Variants in EPS15 observed in about 807,000 individuals in gnomAD.
EPS15 encodes epidermal growth factor receptor substrate 15.
Under a neutral mutation model 113.8 loss-of-function variants are expected in EPS15, and 72 were observed. The ratio of observed to expected loss-of-function variants is 0.63; its 90% confidence interval spans 0.52 to 0.77. The LOEUF is 0.77. Among genes scored for constraint, EPS15 ranks in the 30% least tolerant of loss-of-function variants. The pLI, the probability that EPS15 is intolerant of heterozygous loss-of-function variation, is 0.00. For synonymous variants in EPS15, 344 were observed against 363.4 expected, an observed-to-expected ratio of 0.95 and a Z score of 0.61; for missense variants, 1,048 against 1,045.8, an observed-to-expected ratio of 1.00 and a Z score of -0.03.
At chr1:51,412,196 C>T (rs767974669) in intron 13 of EPS15, among the ~76,000 whole-genome samples, 35 of 152,056 alleles carry the variant, frequency 2.3e-4, no homozygotes, top group South Asian at 6.2e-4. Flanking sequence ...CATCACACAC[C>T]GGGGCCTGTC....
chr1:51,461,265 C>T, intron 7 of EPS15, 115 bp from the exon 8 acceptor site: 1 of 725,266 alleles, frequency 1.4e-6, no homozygotes, highest in Non-Finnish European at 2.4e-6. Context: ...ATATGGCCTC[C>T]CAGCACTTTG....
Position 51,484,233 on chromosome 1 carries a change from T to C in EPS15, c.34-2919A>G, listed in dbSNP as rs183998281. Among the ~76,000 whole-genome samples the C allele has an allele frequency of 3.1e-3, 477 of 152,204 alleles. 5 individuals are homozygous for C. The highest frequency in any genetic ancestry group is 0.011 in the African/African-American group (467 of 41,518). On this transcript the variant is annotated intron_variant, in intron 1 of 24. Transcript: ENST00000371733. ...TCATTGTCCCAGCATCCCATTCAGCTTAACATATGTCTCCGATTTCCCATT... is the reference window on the plus strand; with the variant it reads ...TCATTGTCCCAGCATCCCATTCAGCCTAACATATGTCTCCGATTTCCCATT...
intron 1 of EPS15, among the ~76,000 whole-genome samples, chr1:51,485,827 C>T (rs1644110697): frequency 6.6e-6 from 1 of 151,986 alleles, no homozygotes; most frequent in African/African-American, 2.4e-5. Flanking sequence ...AGATGGAGTT[C>T]GCTCTTGTCG....
intron 1 of EPS15, among the ~76,000 whole-genome samples, chr1:51,506,262 T>C (rs1160868958): frequency 6.6e-6 from 1 of 152,222 alleles, no homozygotes; most frequent in Non-Finnish European, 1.5e-5. Flanking sequence ...TATTTTTAAA[T>C]GCAGGTATAT....
Position 51,394,403 on chromosome 1 carries a change from T to C in EPS15, c.2097A>G (p.Thr699=), listed in dbSNP as rs367777899. 4 of 1,601,182 alleles carry C rather than the reference T, an allele frequency of 2.5e-6. No homozygotes were observed. The highest frequency in any genetic ancestry group is 3.4e-6 in the Non-Finnish European group (4 of 1,171,586). The change falls in exon 21 of 25, where the codon ACA becomes ACG. Residue 699 remains threonine (T), a synonymous_variant. Transcript: ENST00000371733. The part of the protein sequence containing the change: ...KHNDPFAPGG[T]VVAASDSATD... ...TACCTGAATCGCTTGCTGCAACAAC[T>C]GTTCCACCAGGAGCAAAAGGATCAT...
chr1:51,359,511 A>G (rs1397118702), intron 24 of EPS15, among the ~76,000 whole-genome samples: 1 of 151,530 alleles, frequency 6.6e-6, no homozygotes, highest in Non-Finnish European at 1.5e-5. Flanking sequence ...TGTAATCCCA[A>G]CACTTTGAGA....
At chr1:51,423,820 C>A in intron 12 of EPS15, 1 of 619,652 alleles carries the variant, frequency 1.6e-6, no homozygotes, top group Non-Finnish European at 2.0e-6. Context: ...GGTGAAAATC[C>A]AAAACAGATT....
At chr1:51,470,927 G>T (rs1454916315) in intron 4 of EPS15, among the ~76,000 whole-genome samples, 1 of 152,058 alleles carries the variant, frequency 6.6e-6, no homozygotes, top group Non-Finnish European at 1.5e-5. Context: ...TATGAATTTT[G>T]TTTTCCTATA....
chr1:51,483,827 A>T (rs1456819531), intron 1 of EPS15, among the ~76,000 whole-genome samples: 1 of 150,382 alleles, frequency 6.6e-6, no homozygotes, highest in Non-Finnish European at 1.5e-5. Flanking sequence ...GCAGAGTCAG[A>T]CGGATGTGGT....
At chr1:51,413,285 G>GT (rs1649910496) in intron 13 of EPS15, among the ~76,000 whole-genome samples, 1 of 152,126 alleles carries the variant, frequency 6.6e-6, no homozygotes. Context: ...AAACTCTACT[G>GT]TTTGTTCCTA....
intron 1 of EPS15, among the ~76,000 whole-genome samples, chr1:51,491,029 T>C (rs1644223443): frequency 6.6e-6 from 1 of 152,112 alleles, no homozygotes; most frequent in Non-Finnish European, 1.5e-5. Context: ...TGAAGACCAA[T>C]GTGAAGTAGA....
intron 21 of EPS15, among the ~76,000 whole-genome samples, chr1:51,385,294 T>A (rs1647036302): frequency 6.6e-6 from 1 of 152,092 alleles, no homozygotes; most frequent in Admixed American, 6.6e-5. Context: ...GATATACAAA[T>A]AGCCAATAAG....
At chr1:51,382,785 T>C (rs1020203499) in intron 21 of EPS15, among the ~76,000 whole-genome samples, 2 of 152,190 alleles carry the variant, frequency 1.3e-5, no homozygotes, top group Non-Finnish European at 2.9e-5. Flanking sequence ...ATTACATGAC[T>C]TCACGGGTGA....
chr1:51,513,622 C>A (rs7514142), intron 1 of EPS15, among the ~76,000 whole-genome samples: 4,573 of 152,146 alleles, frequency 0.03, 76 homozygotes, highest in African/African-American at 0.05. Context: ...ATTTTTTTAA[C>A]CATGAATTTA....
Position 51,407,937 on chromosome 1 carries a change from G to A in EPS15, c.1473+198C>T, listed in dbSNP as rs537067498. ...CCACACTCTTAATCACTACTCCAAT[G>A]ATAATCATCAGATAGATATACAAGA... On this transcript the variant is annotated intron_variant, in intron 15 of 24. Transcript: ENST00000371733. 7.2e-5 allele frequency among the ~76,000 whole-genome samples: 11 copies of A among 152,234 alleles called. No homozygotes were observed. In the East Asian group the frequency reaches 2.1e-3, roughly 29 times the overall value.
intron 21 of EPS15, 133 bp from the exon 22 acceptor site, chr1:51,366,162 G>A (rs1646503794): frequency 3.4e-6 from 2 of 583,316 alleles, no homozygotes. Flanking sequence ...CAATCTCCCA[G>A]GCTCAAGTGA....
chr1:51,476,181 T>C (rs1643897288), intron 2 of EPS15, among the ~76,000 whole-genome samples: 1 of 152,194 alleles, frequency 6.6e-6, no homozygotes, highest in Non-Finnish European at 1.5e-5. Context: ...TTTGAGCCAA[T>C]GTGGAACCAT....
chr1:51,364,223 T>C lies in EPS15; in HGVS notation c.2197-195A>G, dbSNP rs530550161. On this transcript the variant is annotated intron_variant, in intron 22 of 24. Transcript: ENST00000371733. ...AAAAGTTATTCTATATGAGGAGTGATTCTAACATCATTACTTATTAAGATT... is the reference window on the plus strand; with the variant it reads ...AAAAGTTATTCTATATGAGGAGTGACTCTAACATCATTACTTATTAAGATT... Among the ~76,000 whole-genome samples, 7 of 152,254 alleles carry C rather than the reference T, an allele frequency of 4.6e-5. No homozygotes were observed. In the South Asian group the frequency reaches 1.2e-3, roughly 27 times the overall value.
In EPS15 at chr1:51,384,298, CTT is replaced by C. The variant is rs67265512; in HGVS notation, c.2119+10081_2119+10082del. On this transcript the variant is annotated intron_variant, in intron 21 of 24. Coordinates refer to ENST00000371733, the MANE Select transcript of EPS15 (RefSeq NM_001981.3). ...GCAGTCTTTTTCTTTTTCTTTCTTTCTTTTTTTTTTTTTTTTTTTTGAGACAG... is the reference window on the plus strand; with the variant it reads ...GCAGTCTTTTTCTTTTTCTTTCTTTCTTTTTTTTTTTTTTTTTTGAGACAG... Among the ~76,000 whole-genome samples the C allele has an allele frequency of 1.2e-3, 122 of 99,520 alleles. 1 individual carries two copies. Among genetic ancestry groups the C allele is most frequent in the Middle Eastern group, 0.011 (2 of 180 alleles). 65.3% of individuals were successfully genotyped at this position (99,520 alleles called of 152,430 possible).
Sources: allele counts gnomAD v4.1 joint callset (sites outside exome capture counted in the v4.1 genomes callset), GRCh38; gene constraint gnomAD v4.1.1; transcripts MANE v1.5; gene names NCBI Gene and HGNC (gene_info 2026-07-23, HGNC 2026-07-21).